The following ESRP1 variants were observed in gnomAD, a reference collection of about 807,000 sequenced individuals.
The protein encoded by ESRP1 is epithelial splicing regulatory protein 1, also known as RNA-binding motif protein 35A.
ESRP1 carries 33 observed loss-of-function variants against 81.7 expected under a neutral mutation model. That is an observed-to-expected ratio of 0.40 (90% CI 0.31 to 0.54). The LOEUF is 0.54. Ranked by LOEUF, ESRP1 falls within the 20% of genes least tolerant of loss-of-function variation. ESRP1 has a pLI of 0.41. For synonymous variants in ESRP1, 320 were observed against 303.3 expected (o/e 1.06, Z -0.57); for missense variants, 672 against 833.1 (o/e 0.81, Z 2.38).
chr8:94,684,599 T>C (rs1457508215), intron 13 of ESRP1, among the ~76,000 whole-genome samples: 3 of 152,182 alleles, frequency 2.0e-5, no homozygotes, highest in African/African-American at 7.2e-5. Flanking sequence ...TGTGTGGTCA[T>C]TTTACAAAGC....
rs536330101 is a variant in ESRP1 at position 94,660,325 on chromosome 8, G to A, written c.491-1947G>A. Among the ~76,000 whole-genome samples, 38 of 152,260 alleles carry A rather than the reference G, an allele frequency of 2.5e-4. 1 individual carries two copies. The South Asian group carries it at 4.4e-3, about 17-fold the overall frequency. ...TCTGAAGAATTATGCTAAATTGGCC[G>A]GGGTGGTGACTCATGGCTGTAATCC... On this transcript the variant is annotated intron_variant, in intron 4 of 15. Coordinates refer to ENST00000433389, the MANE Select transcript of ESRP1 (RefSeq NM_017697.4).
At chr8:94,696,806 C>A in intron 14 of ESRP1, 46 bp from the exon 15 acceptor site, 1 of 1,388,772 alleles carries the variant, frequency 7.2e-7, no homozygotes, top group Non-Finnish European at 9.9e-7. Flanking sequence ...TCCATAGTGA[C>A]AGTTTGTCCG....
intron 12 of ESRP1, among the ~76,000 whole-genome samples, chr8:94,676,881 G>A (rs145427781): frequency 6.6e-5 from 10 of 152,046 alleles, no homozygotes; most frequent in South Asian, 4.1e-4. Flanking sequence ...AACCGGGCGC[G>A]GTGGCTTACG....
chr8:94,704,007 CTGAG>C (rs1158198828), intron 15 of ESRP1, among the ~76,000 whole-genome samples: 9 of 152,156 alleles, frequency 5.9e-5, no homozygotes, highest in African/African-American at 2.2e-4. Flanking sequence ...GTATTTTAAA[CTGAG>C]TGCCAAATTG....
intron 13 of ESRP1, among the ~76,000 whole-genome samples, chr8:94,685,399 C>T (rs1809096914): frequency 6.6e-6 from 1 of 152,026 alleles, no homozygotes; most frequent in African/African-American, 2.4e-5. Context: ...GAATCTTGGC[C>T]AATTAAATTG....
chr8:94,689,425 TA>T (rs1198167071), intron 13 of ESRP1, among the ~76,000 whole-genome samples: 2 of 152,130 alleles, frequency 1.3e-5, no homozygotes, highest in Non-Finnish European at 2.9e-5. Flanking sequence ...GGAATTGTTT[TA>T]TTTTTGGTTG....
intron 3 of ESRP1, 85 bp from the exon 4 acceptor site, chr8:94,646,081 TTA>T: frequency 1.5e-6 from 1 of 672,584 alleles, no homozygotes; most frequent in South Asian, 2.3e-5. Context: ...TAAAATATGC[TTA>T]TATTCAATTT....
intron 13 of ESRP1, among the ~76,000 whole-genome samples, chr8:94,689,489 C>G (rs1167892445): frequency 1.3e-5 from 2 of 151,350 alleles, no homozygotes; most frequent in Non-Finnish European, 2.9e-5. Flanking sequence ...TCTTATGTAA[C>G]CTTGCTGAAC....
Position 94,676,219 on chromosome 8 carries a change from G to C in ESRP1, c.1651+1713G>C, listed in dbSNP as rs140657550. Among the ~76,000 whole-genome samples the C allele has an allele frequency of 2.4e-3, 369 of 152,102 alleles. 1 individual carries two copies. Among genetic ancestry groups the C allele is most frequent in the African/African-American group, 8.5e-3 (352 of 41,476 alleles). On this transcript the variant is annotated intron_variant, in intron 12 of 15. Coordinates refer to ENST00000433389, the MANE Select transcript of ESRP1 (RefSeq NM_017697.4). ...CTACTAAAAATACAAAAAATTGCCG[G>C]GAGTGGTGGCGCACATCTGTGATAC...
intron 6 of ESRP1, among the ~76,000 whole-genome samples, chr8:94,664,394 G>T (rs1244751499): frequency 6.6e-6 from 1 of 152,146 alleles, no homozygotes; most frequent in Non-Finnish European, 1.5e-5. Context: ...AAAGTGCTGG[G>T]ATTACAGACA....
In ESRP1 at chr8:94,675,286, G is replaced by A. The variant is rs370214023; in HGVS notation, c.1651+780G>A. Among the ~76,000 whole-genome samples, 22 of 152,322 alleles carry A rather than the reference G, an allele frequency of 1.4e-4. No homozygotes were observed. In the East Asian group the frequency reaches 2.9e-3, roughly 20 times the overall value. The stretch of plus-strand genomic sequence containing the variant: ...GTACCTTCTTAGGCCTGTTGGGTAT[G>A]TTTAAAGAATATAGTATTTGCAGTA... On this transcript the variant is annotated intron_variant, in intron 12 of 15. Transcript: ENST00000433389.
Position 94,665,075 on chromosome 8 carries a change from C to G in ESRP1, c.888+16C>G. Reference sequence around the variant, plus strand: ...GTATATTGAGGTATGTCCTCAAAACCTGAACCCCTGGACATCGTGAATGAG... The same window carrying G: ...GTATATTGAGGTATGTCCTCAAAACGTGAACCCCTGGACATCGTGAATGAG... On this transcript the variant is annotated intron_variant, in intron 8 of 15. Coordinates refer to ENST00000433389, the MANE Select transcript of ESRP1 (RefSeq NM_017697.4). 1.2e-6 allele frequency: 2 copies of G among 1,613,684 alleles called. No individual in the cohort carries two copies. The highest frequency in any genetic ancestry group is 8.5e-7 in the Non-Finnish European group (1 of 1,179,824).
chr8:94,671,388 G>A lies in ESRP1; in HGVS notation c.1234-65G>A, dbSNP rs1240093702. ...TAACGAGCTTCCCAGTGATGCCATT[G>A]CTGATCTGCAGAAAGCAGGGGAGTA... is the stretch of plus-strand genomic sequence containing the variant. On this transcript the variant is annotated intron_variant, in intron 10 of 15. Transcript: ENST00000433389. 17 of 1,393,248 alleles carry A rather than the reference G, an allele frequency of 1.2e-5. No individual in the cohort carries two copies. In the Admixed American group the frequency reaches 1.6e-4, roughly 13 times the overall value. The allele number at this position is 1,393,248 out of a possible 1,614,324, so 86.3% of individuals were successfully genotyped here.
chr8:94,692,582 TGA>T, intron 13 of ESRP1, 93 bp from the exon 14 acceptor site: 1 of 1,353,166 alleles, frequency 7.4e-7, no homozygotes, highest in Non-Finnish European at 1.0e-6. Context: ...AAGGTTGCCT[TGA>T]GAAATTCTGT....
At chr8:94,669,794 C>T (rs568834422) in intron 10 of ESRP1, among the ~76,000 whole-genome samples, 87 of 149,110 alleles carry the variant, frequency 5.8e-4, no homozygotes, top group South Asian at 1.5e-3. Context: ...CGCTTGAACC[C>T]GGGAGGTGGA....
intron 13 of ESRP1, 45 bp from the exon 14 acceptor site, chr8:94,692,632 A>G: frequency 6.3e-7 from 1 of 1,584,596 alleles, no homozygotes; most frequent in Non-Finnish European, 8.6e-7. Context: ...TAAGTATTCA[A>G]CATTGTCTAT....
chr8:94,646,424 C>T, intron 4 of ESRP1, 142 bp downstream of exon 4: 3 of 554,716 alleles, frequency 5.4e-6, no homozygotes, highest in Non-Finnish European at 9.5e-6. Flanking sequence ...TGCTGAGAAA[C>T]TAAAATACAA....
At chr8:94,672,853 A>G (rs1246544594) in intron 11 of ESRP1, among the ~76,000 whole-genome samples, 1 of 152,248 alleles carries the variant, frequency 6.6e-6, no homozygotes, top group African/African-American at 2.4e-5. Flanking sequence ...AATTAAATGC[A>G]AAGCTGTATT....
chr8:94,673,788 A>AT (rs553503324), intron 11 of ESRP1, among the ~76,000 whole-genome samples: 1 of 152,086 alleles, frequency 6.6e-6, no homozygotes, highest in Non-Finnish European at 1.5e-5. Flanking sequence ...CCCAAGCCAC[A>AT]TTCCAACCTA....
Sources: gnomAD v4.1 joint callset for allele counts (sites outside exome capture counted in the v4.1 genomes callset) on GRCh38, gnomAD v4.1.1 for gene constraint, MANE v1.5 for transcripts, NCBI Gene and HGNC (gene_info 2026-07-23, HGNC 2026-07-21) for gene names.